The following ADGRL2 variants were observed in gnomAD, a reference collection of about 807,000 sequenced individuals.
The protein encoded by ADGRL2 is adhesion G protein-coupled receptor L2.
ADGRL2 carries 44 observed loss-of-function variants against 157.4 expected under a neutral mutation model. The ratio of observed to expected loss-of-function variants is 0.28; its 90% CI spans 0.22 to 0.36. The LOEUF (loss-of-function observed/expected upper bound fraction) is 0.36. Ranked by LOEUF, ADGRL2 falls within the 10% of genes least tolerant of loss-of-function variation. The pLI is 1.00. For missense variants in ADGRL2, 1,510 were observed against 1,768.9 expected, an observed-to-expected ratio of 0.85 and a Z score of 2.63; for synonymous variants, 585 against 624.7, an observed-to-expected ratio of 0.94 and a Z score of 0.95.
chr1:81,482,244 AC>A (rs890420035), intron 2 of ADGRL2, among the ~76,000 whole-genome samples: 3 of 152,216 alleles, frequency 2.0e-5, no homozygotes, highest in East Asian at 1.9e-4. Context: ...TTGCGGCCAA[AC>A]AAACAGAAAG....
At chr1:81,562,912 A>G (rs1210028232) in intron 2 of ADGRL2, among the ~76,000 whole-genome samples, 2 of 152,102 alleles carry the variant, frequency 1.3e-5, no homozygotes, top group African/African-American at 4.8e-5. Context: ...TAATCTTAAC[A>G]AGCATTTCAT....
intron 3 of ADGRL2, among the ~76,000 whole-genome samples, chr1:81,629,589 C>A (rs902422040): frequency 6.6e-6 from 1 of 151,952 alleles, no homozygotes; most frequent in Middle Eastern, 3.4e-3. Context: ...ACTACTGTTT[C>A]CTTATCAAAT....
At chr1:81,764,354 A>G (rs1342955217) in intron 2 of ADGRL2, among the ~76,000 whole-genome samples, 3 of 152,170 alleles carry the variant, frequency 2.0e-5, no homozygotes, top group African/African-American at 7.2e-5. Context: ...GCAATTTATT[A>G]TAGGGCAGAA....
chr1:81,843,411 A>G (rs2092675246), intron 2 of ADGRL2, among the ~76,000 whole-genome samples: 2 of 152,170 alleles, frequency 1.3e-5, no homozygotes, highest in Non-Finnish European at 2.9e-5. Context: ...GATTACAGGC[A>G]TGAACCACTG....
At chr1:81,504,416 T>G (rs2078923930) in intron 2 of ADGRL2, among the ~76,000 whole-genome samples, 1 of 152,178 alleles carries the variant, frequency 6.6e-6, no homozygotes, top group Non-Finnish European at 1.5e-5. Context: ...ACCTCAGATT[T>G]GTAATTGTTG....
At chr1:81,836,518 GTTTTTGTA>G (rs2092290325) in intron 1 of ADGRL2, among the ~76,000 whole-genome samples, 2 of 152,078 alleles carry the variant, frequency 1.3e-5, no homozygotes, top group African/African-American at 4.8e-5. Flanking sequence ...TACTCCTGAA[GTTTTTGTA>G]CACTCTGCAG....
chr1:81,383,664 A>T (rs1242993166), intron 1 of ADGRL2, among the ~76,000 whole-genome samples: 17 of 54,484 alleles, frequency 3.1e-4, no homozygotes, highest in Non-Finnish European at 5.8e-4. Flanking sequence ...TACTAGTTTA[A>T]AAAAAAAAAA....
At chr1:81,723,566 T>C (rs539973224) in intron 1 of ADGRL2, among the ~76,000 whole-genome samples, 1 of 152,362 alleles carries the variant, frequency 6.6e-6, no homozygotes, top group Non-Finnish European at 1.5e-5. Flanking sequence ...AGTTTATTAG[T>C]GCGAGGCAAA....
At chr1:81,846,648 TTGTG>T (rs1391318706) in intron 2 of ADGRL2, among the ~76,000 whole-genome samples, 1 of 151,910 alleles carries the variant, frequency 6.6e-6, no homozygotes, top group Non-Finnish European at 1.5e-5. Context: ...TGTTGTGTGT[TTGTG>T]TGTATGTATT....
At chr1:81,976,485 A>G (rs948898821) in intron 17 of ADGRL2, among the ~76,000 whole-genome samples, 4 of 151,988 alleles carry the variant, frequency 2.6e-5, no homozygotes, top group African/African-American at 9.7e-5. Flanking sequence ...GACACTTGTA[A>G]TTTGAGCGCA....
At chr1:81,574,906 T>C (rs1478306639) in intron 2 of ADGRL2, among the ~76,000 whole-genome samples, 1 of 152,186 alleles carries the variant, frequency 6.6e-6, no homozygotes, top group African/African-American at 2.4e-5. Context: ...CCAGATACCT[T>C]AGAATATTGT....
chr1:81,444,939 G>A (rs1456624012), intron 1 of ADGRL2: 2 of 152,110 alleles, frequency 1.3e-5, no homozygotes, highest in African/African-American at 4.8e-5. Flanking sequence ...AAAAATTAAT[G>A]CACATGCTAA....
At chr1:81,543,545 A>G (rs1223872696) in intron 2 of ADGRL2, among the ~76,000 whole-genome samples, 2 of 152,198 alleles carry the variant, frequency 1.3e-5, no homozygotes, top group African/African-American at 4.8e-5. Flanking sequence ...TCTATTTAAA[A>G]TACATATTTA....
intron 18 of ADGRL2, 69 bp downstream of exon 18, chr1:81,980,029 A>G (rs17107615): frequency 0.032 from 26,815 of 844,700 alleles, 490 homozygotes; most frequent in African/African-American, 0.044. Context: ...CAGGGAACAC[A>G]GGGATTTCTA....
At chr1:81,583,187 C>G (rs2080952608) in intron 3 of ADGRL2, among the ~76,000 whole-genome samples, 1 of 152,036 alleles carries the variant, frequency 6.6e-6, no homozygotes, top group African/African-American at 2.4e-5. Flanking sequence ...CTACTATTCT[C>G]TAAAAAAACC....
chr1:81,907,003 T>C lies in ADGRL2; in HGVS notation c.74-14T>C. 1 of 1,600,218 alleles carries C rather than the reference T, an allele frequency of 6.2e-7. No individual in the cohort carries two copies. The highest frequency in any genetic ancestry group is 8.6e-7 in the Non-Finnish European group (1 of 1,168,940). ...ATGAGTTACAGTTTAATTTTCTTTCTTTTTTATTTTAAGGTTTCAGCAGAG... is the reference window on the plus strand; with the variant it reads ...ATGAGTTACAGTTTAATTTTCTTTCCTTTTTATTTTAAGGTTTCAGCAGAG... On this transcript the variant is annotated splice_polypyrimidine_tract_variant and intron_variant, in intron 2 of 23. Coordinates refer to ENST00000686636, the MANE Select transcript of ADGRL2 (RefSeq NM_001366006.2).
chr1:81,700,002 G>A (rs1035432519), intron 1 of ADGRL2, among the ~76,000 whole-genome samples: 1 of 152,118 alleles, frequency 6.6e-6, no homozygotes, highest in Non-Finnish European at 1.5e-5. Flanking sequence ...AATAGCTGTC[G>A]GTACAGTTTC....
At chr1:81,810,733 A>T (rs1557686285) in intron 1 of ADGRL2, among the ~76,000 whole-genome samples, 2 of 151,932 alleles carry the variant, frequency 1.3e-5, no homozygotes, top group South Asian at 4.1e-4. Flanking sequence ...GACAGAAGAT[A>T]TACTGAAGAT....
intron 3 of ADGRL2, among the ~76,000 whole-genome samples, chr1:81,921,869 A>T (rs569809205): frequency 6.6e-6 from 1 of 150,938 alleles, no homozygotes; most frequent in African/African-American, 2.4e-5. Context: ...TTTGCTGCCA[A>T]ATGATTAGTG....
Sources: gnomAD v4.1 joint callset for allele counts (sites outside exome capture counted in the v4.1 genomes callset) on GRCh38, gnomAD v4.1.1 for gene constraint, MANE v1.5 for transcripts, NCBI Gene and HGNC (gene_info 2026-07-23, HGNC 2026-07-21) for gene names.